The following PLA2G4A variants were observed in gnomAD, a reference collection of about 807,000 sequenced individuals.
The protein encoded by PLA2G4A is cytosolic phospholipase A2.
A neutral mutation model predicts 81.9 loss-of-function variants in PLA2G4A; 40 were observed. The observed-to-expected ratio is 0.49, with a 90% CI of 0.38 to 0.64. The LOEUF is 0.64. Ranked by LOEUF, PLA2G4A falls within the 30% of genes least tolerant of loss-of-function variation. PLA2G4A has a pLI of 0.00. For missense variants in PLA2G4A, 715 were observed against 905.1 expected (o/e 0.79, Z 2.69); for synonymous variants, 302 against 296.9 (o/e 1.02, Z -0.18).
intron 2 of PLA2G4A, among the ~76,000 whole-genome samples, chr1:186,854,659 T>C (rs1442140399): frequency 2.0e-5 from 3 of 151,874 alleles, no homozygotes; most frequent in Non-Finnish European, 4.4e-5. Flanking sequence ...AAAATGTTGT[T>C]ATCACTTAGC....
At chr1:186,977,865 T>A in intron 16 of PLA2G4A, 77 bp downstream of exon 16, 1 of 910,446 alleles carries the variant, frequency 1.1e-6, no homozygotes, top group Non-Finnish European at 1.9e-6. Context: ...TGTTTCACTC[T>A]GTCACTGCTG....
Position 186,842,135 on chromosome 1 carries a change from C to T in PLA2G4A, c.-69-12151C>T, listed in dbSNP as rs187166381. On this transcript the variant is annotated intron_variant, in intron 1 of 17. Coordinates refer to ENST00000367466, the MANE Select transcript of PLA2G4A (RefSeq NM_024420.3). Reference sequence around the variant, plus strand: ...TCGGCTCACTGCAACCTCCGCCTCCCGGTTTCAAGCAATTCTCCTGCCTCA... The same window carrying T: ...TCGGCTCACTGCAACCTCCGCCTCCTGGTTTCAAGCAATTCTCCTGCCTCA... 2.6e-5 allele frequency among the ~76,000 whole-genome samples: 4 copies of T among 151,372 alleles called. No homozygotes were observed. In the East Asian group the frequency reaches 7.8e-4, roughly 30 times the overall value.
intron 8 of PLA2G4A, among the ~76,000 whole-genome samples, chr1:186,936,494 G>T (rs1655949884): frequency 6.6e-6 from 1 of 151,912 alleles, no homozygotes; most frequent in Admixed American, 6.6e-5. Context: ...TAATTTAGGG[G>T]TTTTTAAAGG....
intron 1 of PLA2G4A, among the ~76,000 whole-genome samples, chr1:186,834,114 A>T (rs902024432): frequency 6.6e-6 from 1 of 152,196 alleles, no homozygotes; most frequent in South Asian, 2.1e-4. Flanking sequence ...ATTCTTCTAC[A>T]GTACAGAAAA....
chr1:186,833,910 CA>C (rs1398027825), intron 1 of PLA2G4A, among the ~76,000 whole-genome samples: 3 of 152,260 alleles, frequency 2.0e-5, no homozygotes, highest in Middle Eastern at 6.8e-3. Context: ...CATCACTCTC[CA>C]TTAAAGATAA....
At chr1:186,884,411 G>A (rs1326860395) in intron 3 of PLA2G4A, among the ~76,000 whole-genome samples, 1 of 151,582 alleles carries the variant, frequency 6.6e-6, no homozygotes, top group Non-Finnish European at 1.5e-5. Context: ...TTATAGTTTG[G>A]CCAAGTTAGG....
chr1:186,882,338 C>T (rs879299166), intron 3 of PLA2G4A, among the ~76,000 whole-genome samples: 53 of 152,104 alleles, frequency 3.5e-4, no homozygotes, highest in Non-Finnish European at 5.9e-4. Context: ...CTTAACTGTA[C>T]CGTCTTTGGA....
intron 7 of PLA2G4A, among the ~76,000 whole-genome samples, chr1:186,924,370 G>T (rs1241788281): frequency 2.0e-5 from 3 of 152,020 alleles, no homozygotes; most frequent in Non-Finnish European, 4.4e-5. Flanking sequence ...TCTTGTTCTT[G>T]CCCTATCTTA....
In PLA2G4A at chr1:186,946,251, CTGTT is replaced by C. The variant is rs994143522; in HGVS notation, c.1034-383_1034-380del. On this transcript the variant is annotated intron_variant, in intron 10 of 17. Transcript: ENST00000367466. ...AAACATTTTATTTCATTTTAATAAA[CTGTT>C]TGAATTGCTTAGAAGAGTTTAATTT... is the stretch of plus-strand genomic sequence containing the variant. 7.9e-5 allele frequency among the ~76,000 whole-genome samples: 12 copies of C among 151,974 alleles called. 1 individual carries two copies. The highest frequency in any genetic ancestry group is 1.3e-4 in the Admixed American group (2 of 15,240).
chr1:186,837,918 G>T (rs1203080650), intron 1 of PLA2G4A, among the ~76,000 whole-genome samples: 1 of 152,012 alleles, frequency 6.6e-6, no homozygotes, highest in East Asian at 1.9e-4. Flanking sequence ...CTCCTTTGTG[G>T]CAGGGAGAAG....
chr1:186,885,159 C>A (rs914284846), intron 3 of PLA2G4A, among the ~76,000 whole-genome samples: 3 of 152,108 alleles, frequency 2.0e-5, no homozygotes, highest in African/African-American at 7.2e-5. Flanking sequence ...GCCTGACAGC[C>A]AGCACCTTCA....
At chr1:186,897,989 G>A (rs988116138) in intron 5 of PLA2G4A, among the ~76,000 whole-genome samples, 1 of 152,052 alleles carries the variant, frequency 6.6e-6, no homozygotes, top group Admixed American at 6.6e-5. Context: ...GGAGTCTCCA[G>A]TGTCTATTTT....
intron 3 of PLA2G4A, among the ~76,000 whole-genome samples, chr1:186,891,613 A>T (rs968582486): frequency 2.6e-5 from 4 of 152,280 alleles, no homozygotes; most frequent in Admixed American, 1.3e-4. Context: ...AGTTCCATCC[A>T]TGCAAATGGC....
chr1:186,977,572 A>G, intron 15 of PLA2G4A, 21 bp from the exon 16 acceptor site: 3 of 1,568,450 alleles, frequency 1.9e-6, no homozygotes, highest in Non-Finnish European at 2.6e-6. Flanking sequence ...TTCCAAATTC[A>G]TCTTTCCATC....
At chr1:186,919,381 G>A (rs1046938241) in intron 7 of PLA2G4A, among the ~76,000 whole-genome samples, 5 of 152,114 alleles carry the variant, frequency 3.3e-5, no homozygotes, top group African/African-American at 4.8e-5. Flanking sequence ...CCCAGGTAGC[G>A]TACCTGCTGT....
intron 5 of PLA2G4A, among the ~76,000 whole-genome samples, chr1:186,897,076 A>C (rs1654358451): frequency 6.6e-6 from 1 of 152,232 alleles, no homozygotes; most frequent in Non-Finnish European, 1.5e-5. Flanking sequence ...TGGTTATGGC[A>C]ACACAGTGGA....
At chr1:186,840,630 C>G (rs1041230788) in intron 1 of PLA2G4A, among the ~76,000 whole-genome samples, 2 of 152,064 alleles carry the variant, frequency 1.3e-5, no homozygotes, top group Non-Finnish European at 1.5e-5. Flanking sequence ...TCAATCTCAC[C>G]GGCTGCCTGA....
chr1:186,861,800 C>T (rs999689024), intron 2 of PLA2G4A, among the ~76,000 whole-genome samples: 19 of 151,956 alleles, frequency 1.3e-4, no homozygotes, highest in Non-Finnish European at 5.9e-5. Flanking sequence ...TGGTTCTTCA[C>T]CATATGACAG....
chr1:186,831,178 A>G (rs1353566386), intron 1 of PLA2G4A, among the ~76,000 whole-genome samples: 2 of 152,096 alleles, frequency 1.3e-5, no homozygotes, highest in Non-Finnish European at 2.9e-5. Context: ...CACCTTTAAG[A>G]AGTTCACAAA....
Sources: allele counts gnomAD v4.1 joint callset (sites outside exome capture counted in the v4.1 genomes callset), GRCh38; gene constraint gnomAD v4.1.1; transcripts MANE v1.5; gene names NCBI Gene and HGNC (gene_info 2026-07-23, HGNC 2026-07-21).